The following ARHGEF19 variants were observed in gnomAD, a reference collection of about 807,000 sequenced individuals.
The protein encoded by ARHGEF19 is Rho guanine nucleotide exchange factor (GEF) 19.
ARHGEF19 carries 92 observed loss-of-function variants against 87.6 expected under a neutral mutation model. That is an observed-to-expected ratio of 1.05 (90% CI 0.89 to 1.25). The LOEUF is 1.25. ARHGEF19 is among the 50% of genes most tolerant of loss of function. The pLI is 0.00. For synonymous variants in ARHGEF19, 438 were observed against 446.2 expected, an observed-to-expected ratio of 0.98 and a Z score of 0.23; for missense variants, 1,054 against 1,051.8, an observed-to-expected ratio of 1.00 and a Z score of -0.03.
In ARHGEF19 at chr1:16,206,914, GC is replaced by G. The variant is rs1295273643; in HGVS notation, c.1137+33del. The G allele has an allele frequency of 7.6e-7, 1 of 1,309,688 alleles. No individual in the cohort carries two copies. Among genetic ancestry groups the G allele is most frequent in the African/African-American group, 1.7e-5 (1 of 58,764 alleles). The allele number at this position is 1,309,688 out of a possible 1,614,324, so 81.1% of individuals were successfully genotyped here. On this transcript the variant is annotated intron_variant, in intron 6 of 15. Coordinates refer to ENST00000270747, the MANE Select transcript of ARHGEF19 (RefSeq NM_153213.5). This position sits in a 1 kb window ranked among gnomAD's most constrained non-coding sequence, Gnocchi z 4.6. Reference sequence around the variant, plus strand: ...CCCCGGACCGCGTACTCCCCGGCCCGCCCCCGCCCCGCCGGGTCCCCGCGCG... The same window carrying G: ...CCCCGGACCGCGTACTCCCCGGCCCGCCCCGCCCCGCCGGGTCCCCGCGCG...
At chr1:16,204,538 G>A (rs1349737804) in intron 12 of ARHGEF19, among the ~76,000 whole-genome samples, 7 of 152,216 alleles carry the variant, frequency 4.6e-5, no homozygotes, top group African/African-American at 9.6e-5. Context: ...CCAAGTCCTC[G>A]GCATACAGTC....
Position 16,207,566 on chromosome 1 carries a change from G to A in ARHGEF19, c.830C>T (p.Ser277Phe). The change falls in exon 5 of 16, where the codon TCC becomes TTC. Residue 277 changes from serine to phenylalanine, a missense_variant. Physicochemically the swap from Ser to Phe is radical, Grantham distance 155. Transcript: ENST00000270747. The surrounding 1 kb of genome is among the most constrained non-coding windows in gnomAD (Gnocchi z 4.0). The part of the protein sequence containing the change: ...LDTQEEPPLG[S>F]RSTNERRQSR... ...CTGGCGCCGCTCGTTGGTGCTCCTG[G>A]ACCCCAAAGGCGGCTCTTCCTGTGT... is the stretch of plus-strand genomic sequence containing the variant. 1 of 1,613,968 alleles carries A rather than the reference G, an allele frequency of 6.2e-7. No individual in the cohort carries two copies. The highest frequency in any genetic ancestry group is 8.5e-7 in the Non-Finnish European group (1 of 1,180,004).
At position 16,206,096 on chromosome 1, in the gene ARHGEF19, A is replaced by G; in HGVS notation, c.1299-13T>C. On this transcript the variant is annotated splice_polypyrimidine_tract_variant and intron_variant, in intron 7 of 15. Coordinates refer to ENST00000270747, the MANE Select transcript of ARHGEF19 (RefSeq NM_153213.5). The surrounding 1 kb of genome is among the most constrained non-coding windows in gnomAD (Gnocchi z 4.6). ...GTCCTGCAGGAACCTGAGGAGTCAG[A>G]GCCAGGATGGAGACCCCAGATCTGG... is the stretch of plus-strand genomic sequence containing the variant. 6.3e-7 allele frequency: 1 copy of G among 1,576,074 alleles called. No individual in the cohort carries two copies.
chr1:16,204,495 C>G (rs1453985613), intron 12 of ARHGEF19, among the ~76,000 whole-genome samples: 2 of 152,220 alleles, frequency 1.3e-5, no homozygotes, highest in African/African-American at 4.8e-5. Flanking sequence ...TGCTCTTAGT[C>G]TCTGCTCTTA....
chr1:16,202,525 C>T lies in ARHGEF19; in HGVS notation c.1957G>A (p.Val653Met). Residue 653 changes from valine (V) to methionine (M), a missense_variant, in exon 13 of 16, where the codon GTG (valine) becomes ATG (methionine). By Grantham distance (21) the Val-to-Met change is conservative. Transcript: ENST00000270747. ...FVHAKMAELQ[V>M]RDLSLKLQGI... ...TGCAGCTTCAGGCTCAGGTCCCGCA[C>T]CTGCAGCTCAGCCATCTTGGCATGG... 3 of 1,614,216 alleles carry T rather than the reference C, an allele frequency of 1.9e-6. No homozygotes were observed. Among genetic ancestry groups the T allele is most frequent in the Non-Finnish European group, 2.5e-6 (3 of 1,180,030 alleles).
intron 14 of ARHGEF19, among the ~76,000 whole-genome samples, chr1:16,201,246 A>G (rs970117121): frequency 6.6e-6 from 1 of 152,146 alleles, no homozygotes; most frequent in African/African-American, 2.4e-5. Context: ...CAAACCTTCA[A>G]TAGCTCCCTA....
chr1:16,204,615 C>A, intron 12 of ARHGEF19, 144 bp downstream of exon 12: 1 of 1,015,938 alleles, frequency 9.8e-7, no homozygotes. Flanking sequence ...TCAGGAGCCT[C>A]CAAATCTCAG....
chr1:16,205,390 G>A lies in ARHGEF19; in HGVS notation c.1617C>T (p.Asp539=), dbSNP rs754400828. Reference sequence around the variant, plus strand: ...TGAAGGCCTTGGTGGCCATGTCTTCGTCTTCAGAGCCCTGTGCTGTCCGCT... The same window carrying A: ...TGAAGGCCTTGGTGGCCATGTCTTCATCTTCAGAGCCCTGTGCTGTCCGCT... ...ILKRTAQGSE[D]EDMATKAFNA... Residue 539 remains aspartate, a synonymous_variant, in exon 10 of 16, where the codon GAC becomes GAT. Transcript: ENST00000270747. The surrounding 1 kb of genome is among the most constrained non-coding windows in gnomAD (Gnocchi z 5.8). The A allele has an allele frequency of 6.1e-5, 99 of 1,613,304 alleles. 2 individuals are homozygous for A. The South Asian group carries it at 9.3e-4, about 15-fold the overall frequency.
At chr1:16,212,083 C>G (rs1480042731) in intron 1 of ARHGEF19, among the ~76,000 whole-genome samples, 1 of 152,230 alleles carries the variant, frequency 6.6e-6, no homozygotes, top group African/African-American at 2.4e-5. Context: ...ATAAATGTCT[C>G]TGGGCCAAGA....
chr1:16,204,814 T>C lies in ARHGEF19; in HGVS notation c.1852A>G (p.Lys618Glu). The change falls in exon 12 of 16, where the codon AAG (lysine) becomes GAG (glutamate). Residue 618 changes from lysine (K) to glutamate (E), a missense_variant. Transcript: ENST00000270747. The stretch of plus-strand genomic sequence containing the variant: ...TTGAAGAGGTGGAGGTAGACTGCCT[T>C]GCTGGACAGCTTCAGCTTGGCAGGG... ...APPAKLKLSS[K>E]AVYLHLFNDC... 2 of 1,612,874 alleles carry C rather than the reference T, an allele frequency of 1.2e-6. No individual in the cohort carries two copies. Among genetic ancestry groups the C allele is most frequent in the Non-Finnish European group, 1.7e-6 (2 of 1,179,434 alleles).
intron 14 of ARHGEF19, among the ~76,000 whole-genome samples, chr1:16,200,540 C>T (rs538371544): frequency 6.6e-6 from 1 of 151,300 alleles, no homozygotes; most frequent in East Asian, 2.0e-4. Flanking sequence ...GCCAGGAGTT[C>T]GAGACCAGCC....
In ARHGEF19 at chr1:16,208,663, C is replaced by T. The variant is rs1367855906; in HGVS notation, c.392G>A (p.Gly131Asp). Reference protein sequence around the residue: ...HTQPQRRASHGSEKKSAWRKM... With the variant: ...HTQPQRRASHDSEKKSAWRKM... ...CTCACAGGCAGACTTCTTCTCCGAG[C>T]CGTGGCTGGCCCGGCGCTGTGGCTG... The change falls in exon 2 of 16, where the codon GGC becomes GAC. Residue 131 changes from glycine (G) to aspartate (D), a missense_variant. Physicochemically the swap from Gly to Asp is moderately conservative, Grantham distance 94 (BLOSUM62 -1). Transcript: ENST00000270747. 1 of 1,604,538 alleles carries T rather than the reference C, an allele frequency of 6.2e-7. No individual in the cohort carries two copies. The highest frequency in any genetic ancestry group is 8.5e-7 in the Non-Finnish European group (1 of 1,177,072).
intron 14 of ARHGEF19, 44 bp from the exon 15 acceptor site, chr1:16,199,298 G>A: frequency 6.3e-7 from 1 of 1,577,784 alleles, no homozygotes; most frequent in South Asian, 1.1e-5. Flanking sequence ...GGGCAGGATG[G>A]CAGGGGGAGG....
At position 16,199,046 on chromosome 1, in the gene ARHGEF19, C is replaced by T. The variant is rs2081062644; in HGVS notation, c.2251+104G>A. On this transcript the variant is annotated intron_variant, in intron 15 of 15. Transcript: ENST00000270747. Reference sequence around the variant, plus strand: ...CTAACCTGATTCCCACATGCTGTGGCAGATCAACACTTGCAGAACCTTTCC... The same window carrying T: ...CTAACCTGATTCCCACATGCTGTGGTAGATCAACACTTGCAGAACCTTTCC... 3.3e-5 allele frequency: 37 copies of T among 1,133,754 alleles called. 2 individuals carry two copies. In the South Asian group the frequency reaches 4.9e-4, roughly 15 times the overall value. 70.2% of individuals were successfully genotyped at this position (1,133,754 alleles called of 1,614,324 possible).
chr1:16,206,983 C>A lies in ARHGEF19; in HGVS notation c.1102G>T (p.Ala368Ser). 6.6e-7 allele frequency: 1 copy of A among 1,513,844 alleles called. No homozygotes were observed. Among genetic ancestry groups the A allele is most frequent in the Non-Finnish European group, 8.8e-7 (1 of 1,135,606 alleles). The allele number at this position is 1,513,844 out of a possible 1,614,324, so 93.8% of individuals were successfully genotyped here. A position where few individuals can be genotyped will look rare whatever the true frequency, so the allele number is the denominator to read the frequency against. The change falls in exon 6 of 16, where the codon GCC becomes TCC. Residue 368 changes from alanine to serine, a missense_variant. Physicochemically the swap from Ala to Ser is moderately conservative, Grantham distance 99. Transcript: ENST00000270747. The surrounding 1 kb of genome is among the most constrained non-coding windows in gnomAD (Gnocchi z 4.6). The stretch of plus-strand genomic sequence containing the variant: ...TTGCAGTCCCGCAGGCTCAGCGTGG[C>A]CAGGACGCCGCTGCCGCGTACGTCG... ...IPDVRGSGVLATLSLRDCKLQ... is the reference protein window; with the variant it reads ...IPDVRGSGVLSTLSLRDCKLQ...
chr1:16,199,333 A>T, intron 14 of ARHGEF19, 79 bp from the exon 15 acceptor site: 1 of 1,158,790 alleles, frequency 8.6e-7, no homozygotes, highest in Non-Finnish European at 1.3e-6. Flanking sequence ...AGGGAGGGGC[A>T]GTAGGAGGAA....
chr1:16,206,194 C>G lies in ARHGEF19; in HGVS notation c.1284G>C (p.Lys428Asn), dbSNP rs1199746111. The G allele has an allele frequency of 1.3e-6, 2 of 1,597,408 alleles. No homozygotes were observed. The highest frequency in any genetic ancestry group is 4.5e-5 in the East Asian group (2 of 44,480). Reference sequence around the variant, plus strand: ...CACTTCTTCACCTCTCGCTGGTGCTCTTGACCTCGGGCAGTTTGGAAAACA... The same window carrying G: ...CACTTCTTCACCTCTCGCTGGTGCTGTTGACCTCGGGCAGTTTGGAAAACA... The part of the protein sequence containing the change: ...QWLFSKLPEV[K>N]STSERFLQDL... The change falls in exon 7 of 16, where the codon AAG becomes AAC. Residue 428 changes from lysine to asparagine, a missense_variant. Physicochemically the swap from Lys to Asn is moderately conservative, Grantham distance 94. Transcript: ENST00000270747. The surrounding 1 kb of genome is among the most constrained non-coding windows in gnomAD (Gnocchi z 4.6).
intron 1 of ARHGEF19, among the ~76,000 whole-genome samples, chr1:16,209,833 A>C (rs919256775): frequency 6.6e-6 from 1 of 152,088 alleles, no homozygotes; most frequent in Non-Finnish European, 1.5e-5. Context: ...AGTGGTGCCC[A>C]CACCCATGCC....
chr1:16,210,486 A>AC (rs1342658314), intron 1 of ARHGEF19, among the ~76,000 whole-genome samples: 7 of 152,228 alleles, frequency 4.6e-5, no homozygotes, highest in African/African-American at 1.7e-4. Flanking sequence ...AGAAACCAAG[A>AC]CCCCAAGACG....
Sources: allele counts gnomAD v4.1 joint callset (sites outside exome capture counted in the v4.1 genomes callset), GRCh38; gene constraint gnomAD v4.1.1; non-coding constraint Gnocchi (gnomAD v3.1); transcripts MANE v1.5; gene names NCBI Gene and HGNC (gene_info 2026-07-23, HGNC 2026-07-21).